The following ALK variants were observed in gnomAD, a reference collection of about 807,000 sequenced individuals.
ALK encodes the protein ALK tyrosine kinase receptor.
Under a neutral mutation model 163.1 loss-of-function variants are expected in ALK, and 74 were observed. That is an observed-to-expected ratio of 0.45 (90% CI 0.38 to 0.55). The LOEUF is 0.55. ALK is among the 20% of genes least tolerant of loss of function. The pLI is 0.00. For missense variants in ALK, 2,063 were observed against 2,105.3 expected (o/e 0.98, Z 0.39); for synonymous variants, 960 against 843.2 (o/e 1.14, Z -2.40).
At position 29,200,750 on chromosome 2, in the gene ALK, TAC is replaced by T. The variant is rs1214253632; in HGVS notation, c.3939-3076_3939-3075del. On this transcript the variant is annotated intron_variant, in intron 26 of 28. Coordinates refer to ENST00000389048, the MANE Select transcript of ALK (RefSeq NM_004304.5). ...ATATGTATATATATACGTATATATA[TAC>T]GTATATATGTATATATATACGTATA... Among the ~76,000 whole-genome samples, 62 of 109,194 alleles carry T rather than the reference TAC, an allele frequency of 5.7e-4. 1 individual carries two copies. The highest frequency in any genetic ancestry group is 3.7e-3 in the Admixed American group (43 of 11,526). 71.6% of individuals were successfully genotyped at this position (109,194 alleles called of 152,430 possible).
At chr2:29,284,896 C>T (rs1024538826) in intron 9 of ALK, among the ~76,000 whole-genome samples, 2 of 152,194 alleles carry the variant, frequency 1.3e-5, no homozygotes, top group African/African-American at 4.8e-5. Flanking sequence ...AAGCTGCTCA[C>T]GTACAGCTCA....
intron 4 of ALK, among the ~76,000 whole-genome samples, chr2:29,430,866 C>T (rs1416887646): frequency 2.6e-5 from 4 of 152,158 alleles, no homozygotes; most frequent in Non-Finnish European, 2.9e-5. Context: ...ACACCTTGAT[C>T]GGGAACTTCA....
chr2:29,268,936 T>C (rs1434674014), intron 11 of ALK, among the ~76,000 whole-genome samples: 1 of 152,108 alleles, frequency 6.6e-6, no homozygotes, highest in Non-Finnish European at 1.5e-5. Context: ...TGGATACATA[T>C]AAACGTATGT....
At chr2:29,317,166 T>C (rs1380356854) in intron 8 of ALK, among the ~76,000 whole-genome samples, 2 of 152,204 alleles carry the variant, frequency 1.3e-5, no homozygotes, top group South Asian at 2.1e-4. Flanking sequence ...CTGGGATTTC[T>C]ATTAGCCACA....
chr2:29,541,424 G>A (rs926272894), intron 3 of ALK, among the ~76,000 whole-genome samples: 3 of 152,108 alleles, frequency 2.0e-5, no homozygotes, highest in African/African-American at 4.8e-5. Flanking sequence ...TCCTGAGTAG[G>A]TGGGATTACA....
intron 3 of ALK, among the ~76,000 whole-genome samples, chr2:29,647,775 CTTTTTTTTTT>C (rs34620705): frequency 8.5e-6 from 1 of 117,214 alleles, no homozygotes; most frequent in Non-Finnish European, 1.7e-5. Context: ...ATGATTTTTT[CTTTTTTTTTT>C]TTTTTTTTTG....
At chr2:29,273,960 G>C (rs1246456510) in intron 11 of ALK, among the ~76,000 whole-genome samples, 2 of 152,172 alleles carry the variant, frequency 1.3e-5, no homozygotes, top group Non-Finnish European at 2.9e-5. Context: ...CTGCAGTTTT[G>C]TAGGACGGGC....
chr2:29,692,342 C>A (rs2148287350), intron 3 of ALK, among the ~76,000 whole-genome samples: 1 of 152,300 alleles, frequency 6.6e-6, no homozygotes, highest in Non-Finnish European at 1.5e-5. Flanking sequence ...GATGTTCTGA[C>A]CCTCTCACCC....
intron 5 of ALK, among the ~76,000 whole-genome samples, chr2:29,352,204 T>G (rs776958209): frequency 6.6e-6 from 1 of 152,196 alleles, no homozygotes; most frequent in African/African-American, 2.4e-5. Flanking sequence ...CAATAAAGAT[T>G]GTGGGGAAGA....
intron 4 of ALK, among the ~76,000 whole-genome samples, chr2:29,439,989 T>C (rs1573355533): frequency 6.6e-6 from 1 of 151,996 alleles, no homozygotes; most frequent in Non-Finnish European, 1.5e-5. Flanking sequence ...CCCAGCACTT[T>C]GGGAGGCCAA....
rs565386471 is a variant in ALK at position 29,853,422 on chromosome 2, T to C, written c.667+66571A>G. The stretch of plus-strand genomic sequence containing the variant: ...TTCACCTTCTCTCACCTGGACAGAC[T>C]GGACATCCAATCTCTCAGCAAGTCT... On this transcript the variant is annotated intron_variant, in intron 1 of 28. Transcript: ENST00000389048. Among the ~76,000 whole-genome samples, 4 of 152,324 alleles carry C rather than the reference T, an allele frequency of 2.6e-5. No individual in the cohort carries two copies. In the East Asian group the frequency reaches 7.7e-4, roughly 29 times the overall value.
intron 9 of ALK, among the ~76,000 whole-genome samples, chr2:29,285,613 A>C (rs2148222581): frequency 6.8e-6 from 1 of 147,774 alleles, no homozygotes; most frequent in East Asian, 2.1e-4. Flanking sequence ...CCCAGGCTGG[A>C]ATGCAGTGGT....
intron 3 of ALK, among the ~76,000 whole-genome samples, chr2:29,620,466 C>A (rs1358098521): frequency 7.7e-6 from 1 of 130,110 alleles, no homozygotes; most frequent in Non-Finnish European, 1.6e-5. Context: ...GGGGTGAGGA[C>A]CTCAACATAT....
intron 1 of ALK, among the ~76,000 whole-genome samples, chr2:29,838,628 T>G (rs540566398): frequency 1.3e-5 from 2 of 152,296 alleles, no homozygotes; most frequent in African/African-American, 4.8e-5. Flanking sequence ...TGTGTATGTA[T>G]CTTTCAGATA....
chr2:29,500,081 C>T (rs1392901719), intron 4 of ALK, among the ~76,000 whole-genome samples: 1 of 152,164 alleles, frequency 6.6e-6, no homozygotes, highest in East Asian at 1.9e-4. Flanking sequence ...CCCACAGTGG[C>T]TCCTTGGCCA....
At chr2:29,401,703 C>A (rs1456340811) in intron 4 of ALK, among the ~76,000 whole-genome samples, 1 of 152,118 alleles carries the variant, frequency 6.6e-6, no homozygotes. Context: ...CTAGCGCCTC[C>A]CACGCAGGCC....
intron 1 of ALK, among the ~76,000 whole-genome samples, chr2:29,759,509 AG>A (rs1398040794): frequency 6.6e-6 from 1 of 152,212 alleles, no homozygotes; most frequent in East Asian, 1.9e-4. Flanking sequence ...TTAGCCTTCT[AG>A]GGACAGGATA....
chr2:29,275,366 T>C (rs886999798), intron 10 of ALK, 36 bp downstream of exon 10: 33 of 1,611,448 alleles, frequency 2.0e-5, no homozygotes, highest in Non-Finnish European at 2.8e-5. Context: ...GCCATGGGGG[T>C]TGGGGGACAG....
At chr2:29,251,940 G>A (rs971512153) in intron 11 of ALK, among the ~76,000 whole-genome samples, 1 of 152,244 alleles carries the variant, frequency 6.6e-6, no homozygotes, top group African/African-American at 2.4e-5. Context: ...CAGCAAGGCA[G>A]GGCTCAGGCT....
Sources: allele counts gnomAD v4.1 joint callset (sites outside exome capture counted in the v4.1 genomes callset), GRCh38; gene constraint gnomAD v4.1.1; transcripts MANE v1.5; gene names NCBI Gene and HGNC (gene_info 2026-07-23, HGNC 2026-07-21).